BRPF3: variants seen among roughly 807,000 people sequenced by gnomAD.
The protein encoded by BRPF3 is bromodomain and PHD finger containing 3.
A neutral mutation model predicts 102.0 loss-of-function variants in BRPF3; 18 were observed. That is an observed-to-expected ratio of 0.18 (90% CI 0.12 to 0.26). The LOEUF (loss-of-function observed/expected upper bound fraction) is 0.26, where lower values mean the gene tolerates loss of function less well. Ranked by LOEUF, BRPF3 falls within the 10% of genes least tolerant of loss-of-function variation. The pLI, the probability that BRPF3 is intolerant of heterozygous loss-of-function variation, is 1.00. For missense variants in BRPF3, 1,147 were observed against 1,567.8 expected (o/e 0.73, Z 4.53); for synonymous variants, 570 against 614.2 (o/e 0.93, Z 1.06).
intron 2 of BRPF3, among the ~76,000 whole-genome samples, chr6:36,202,149 C>T (rs1216719387): frequency 6.6e-6 from 1 of 152,124 alleles, no homozygotes; most frequent in African/African-American, 2.4e-5. Flanking sequence ...AGTCGCATCC[C>T]CTCCCCCATT....
chr6:36,220,466 A>G (rs1768495306), intron 9 of BRPF3, among the ~76,000 whole-genome samples: 1 of 152,222 alleles, frequency 6.6e-6, no homozygotes, highest in East Asian at 1.9e-4. Flanking sequence ...CAGAACTGAT[A>G]ACAAGAGCTG....
At chr6:36,225,232 T>G (rs764166262) in intron 10 of BRPF3, 35 bp from the exon 11 acceptor site, 1 of 1,583,048 alleles carries the variant, frequency 6.3e-7, no homozygotes, top group South Asian at 1.1e-5. Context: ...CCAAGTCCCC[T>G]TTGGGTGCTG....
intron 10 of BRPF3, among the ~76,000 whole-genome samples, chr6:36,225,029 A>G (rs1768683139): frequency 6.6e-6 from 1 of 152,228 alleles, no homozygotes; most frequent in African/African-American, 2.4e-5. Context: ...AGTAATTGCA[A>G]CAGAGGCCGT....
chr6:36,230,326 T>C lies in BRPF3; in HGVS notation c.3435-100T>C. 8.1e-7 allele frequency: 1 copy of C among 1,241,234 alleles called. No homozygotes were observed. 76.9% of individuals were successfully genotyped at this position (1,241,234 alleles called of 1,614,324 possible). On this transcript the variant is annotated intron_variant, in intron 12 of 12. Coordinates refer to ENST00000357641, the MANE Select transcript of BRPF3 (RefSeq NM_015695.3). This position sits in a 1 kb window ranked among gnomAD's most constrained non-coding sequence, Gnocchi z 5.4. ...ATTTGCTTCCCTCTGCCCTGTACCC[T>C]CTCCCTGGCTTTGCTGGTCCTGGCC... is the stretch of plus-strand genomic sequence containing the variant.
rs1581942740 is a variant in BRPF3, at chr6:36,201,597, G to A, written c.1275G>A (p.Glu425=). 2 of 1,614,090 alleles carry A rather than the reference G, an allele frequency of 1.2e-6. No homozygotes were observed. Among genetic ancestry groups the A allele is most frequent in the East Asian group, 2.2e-5 (1 of 44,876 alleles). The stretch of plus-strand genomic sequence containing the variant: ...ATGGAGAGGAGGAAGAAGAGGAAGA[G>A]GTGGAGGAAGAAGAGCAGGAAGCTC... ...EGDGEEEEEE[E]VEEEEQEAQG... Residue 425 remains glutamate, a synonymous_variant, in exon 2 of 13, where the codon GAG becomes GAA. Transcript: ENST00000357641. This position sits in a 1 kb window ranked among gnomAD's most constrained non-coding sequence, Gnocchi z 5.1.
At chr6:36,223,770 C>G (rs1768635502) in intron 10 of BRPF3, among the ~76,000 whole-genome samples, 1 of 152,070 alleles carries the variant, frequency 6.6e-6, no homozygotes, top group African/African-American at 2.4e-5. Flanking sequence ...TGTAGTGAAC[C>G]CATATTTTTG....
chr6:36,211,647 C>G, intron 7 of BRPF3, 87 bp downstream of exon 7: 1 of 1,456,908 alleles, frequency 6.9e-7, no homozygotes. Context: ...GGTATTCTTT[C>G]TGAGTTTAGA....
In BRPF3 at chr6:36,200,764, C is replaced by T. The variant is rs1158227152; in HGVS notation, c.442C>T (p.Leu148=). 1 of 1,614,158 alleles carries T rather than the reference C, an allele frequency of 6.2e-7. No individual in the cohort carries two copies. The highest frequency in any genetic ancestry group is 8.5e-7 in the Non-Finnish European group (1 of 1,180,030). ...CTACATTGAGAAGCCACCTGAAGAC[C>T]TGGATGCAGAGGTAGAGTATGACAT... The part of the protein sequence containing the change: ...YRYIEKPPED[L]DAEVEYDMDE... The change falls in exon 2 of 13, where the codon CTG becomes TTG. Residue 148 remains leucine (L), a synonymous_variant. Transcript: ENST00000357641. The surrounding 1 kb of genome is among the most constrained non-coding windows in gnomAD (Gnocchi z 5.3).
In BRPF3 at chr6:36,204,813, A is replaced by G. The variant is rs1279635413; in HGVS notation, c.1604A>G (p.Gln535Arg). ...SHLQSQRNAE[Q>R]REQDEKTSAV... ...CTGCAGTCCCAAAGAAACGCTGAGC[A>G]GGTAGGTGCAGTGGTGATTTGAGGC... Residue 535 changes from glutamine to arginine, a missense_variant and splice_region_variant, in exon 3 of 13, where the codon CAG (glutamine) becomes CGG (arginine). Physicochemically the swap from Gln to Arg is conservative, Grantham distance 43. This residue lies in a region of BRPF3 where 37 missense variants were observed against 33.3 expected (regional missense o/e 1.11). Coordinates refer to ENST00000357641, the MANE Select transcript of BRPF3 (RefSeq NM_015695.3). 2 of 1,613,542 alleles carry G rather than the reference A, an allele frequency of 1.2e-6. No individual in the cohort carries two copies. The highest frequency in any genetic ancestry group is 1.7e-6 in the Non-Finnish European group (2 of 1,179,484).
Position 36,214,159 on chromosome 6 carries a change from GT to G in BRPF3, c.2763del (p.Ser921ArgfsTer78). 6.2e-7 allele frequency: 1 copy of G among 1,614,214 alleles called. No individual in the cohort carries two copies. The highest frequency in any genetic ancestry group is 1.1e-5 in the South Asian group (1 of 91,086). The stretch of plus-strand genomic sequence containing the variant: ...GACACCCCGGCCGGTACCCCACTTA[GT>G]GGTGTGGGTCGCCGCACATCAGTCC... ...APDTPAGTPL[S>X]GVGRRTSVLF... On this transcript the variant is annotated frameshift_variant, in exon 8 of 13. Transcript: ENST00000357641. LOFTEE classifies it high-confidence loss of function.
In BRPF3 at chr6:36,200,780, A is replaced by G; in HGVS notation, c.458A>G (p.Glu153Gly). ...KPPEDLDAEVEYDMDEEDLAW... is the reference protein window; with the variant it reads ...KPPEDLDAEVGYDMDEEDLAW... ...CCTGAAGACCTGGATGCAGAGGTAG[A>G]GTATGACATGGATGAGGAGGACCTT... The change falls in exon 2 of 13, where the codon GAG becomes GGG. Residue 153 changes from glutamate (E) to glycine (G), a missense_variant. Physicochemically the swap from Glu to Gly is moderately conservative, Grantham distance 98. This residue lies in a region of BRPF3 where 221 missense variants were observed against 337.1 expected (regional missense o/e 0.66). Transcript: ENST00000357641. The surrounding 1 kb of genome is among the most constrained non-coding windows in gnomAD (Gnocchi z 5.3). The G allele has an allele frequency of 6.2e-7, 1 of 1,614,162 alleles. No homozygotes were observed. Among genetic ancestry groups the G allele is most frequent in the Middle Eastern group, 1.6e-4 (1 of 6,062 alleles).
rs1022803240 is a variant in BRPF3, at chr6:36,230,453, G to A, written c.3462G>A (p.Leu1154=). 1 of 1,614,044 alleles carries A rather than the reference G, an allele frequency of 6.2e-7. No individual in the cohort carries two copies. The highest frequency in any genetic ancestry group is 8.5e-7 in the Non-Finnish European group (1 of 1,180,020). ...TWQWLPRDKV[L]PLGVEDTVDK... ...AGTGGCTTCCAAGGGACAAAGTCCTGCCCTTGGGTGTGGAAGACACCGTGG... is the reference window on the plus strand; with the variant it reads ...AGTGGCTTCCAAGGGACAAAGTCCTACCCTTGGGTGTGGAAGACACCGTGG... The change falls in exon 13 of 13, where the codon CTG becomes CTA. Residue 1154 remains leucine, a synonymous_variant. Transcript: ENST00000357641. The surrounding 1 kb of genome is among the most constrained non-coding windows in gnomAD (Gnocchi z 5.4).
In BRPF3 at chr6:36,207,299, CT is replaced by C. The variant is rs1767939946; in HGVS notation, c.1606-12del. The C allele has an allele frequency of 6.2e-7, 1 of 1,610,894 alleles. No homozygotes were observed. Among genetic ancestry groups the C allele is most frequent in the African/African-American group, 1.3e-5 (1 of 74,840 alleles). ...GAAGGAGGTTCCTAGTCCCTCTTCT[CT>C]TCCCTCCTGTAGCGAGAGCAGGATG... On this transcript the variant is annotated splice_polypyrimidine_tract_variant and intron_variant, in intron 3 of 12. Transcript: ENST00000357641.
intron 4 of BRPF3, among the ~76,000 whole-genome samples, chr6:36,207,883 A>G (rs1002201881): frequency 8.5e-5 from 13 of 152,166 alleles, no homozygotes; most frequent in Non-Finnish European, 1.9e-4. Context: ...CCTCTGTTCT[A>G]GGAGATTTTA....
rs1417520460 is a variant in BRPF3 at position 36,201,917 on chromosome 6, G to A, written c.1448+147G>A. On this transcript the variant is annotated intron_variant, in intron 2 of 12. Transcript: ENST00000357641. This position sits in a 1 kb window ranked among gnomAD's most constrained non-coding sequence, Gnocchi z 5.1. The stretch of plus-strand genomic sequence containing the variant: ...CTTCCTTTTGACCCCAGGCTCACCT[G>A]GCCTGGTTTGTGGTTTTGATTTTGC... 5 of 1,250,722 alleles carry A rather than the reference G, an allele frequency of 4.0e-6. No individual in the cohort carries two copies. The Admixed American group carries it at 1.2e-4, about 30-fold the overall frequency. 77.5% of individuals were successfully genotyped at this position (1,250,722 alleles called of 1,614,324 possible). A position where few individuals can be genotyped will look rare whatever the true frequency, so the allele number is the denominator to read the frequency against.
At chr6:36,206,270 G>A (rs1005336293) in intron 3 of BRPF3, among the ~76,000 whole-genome samples, 1 of 152,204 alleles carries the variant, frequency 6.6e-6, no homozygotes, top group Non-Finnish European at 1.5e-5. Context: ...CATCTGGGCA[G>A]GTGTGCTTGG....
At position 36,200,381 on chromosome 6, in the gene BRPF3, C is replaced by G. The variant is rs199876915; in HGVS notation, c.59C>G (p.Pro20Arg). ...GCCGAGGGCCGGCGTTCCCCGTCCC[C>G]CTACAGTCTCAAGTGCTCACCCACC... ...QNAEGRRSPSPYSLKCSPTRE... is the reference protein window; with the variant it reads ...QNAEGRRSPSRYSLKCSPTRE... The change falls in exon 2 of 13, where the codon CCC (proline) becomes CGC (arginine). Residue 20 changes from proline to arginine, a missense_variant. Pro to Arg is a moderately radical substitution (Grantham distance 103). Around this residue, in one of 11 missense-constraint regions of BRPF3, gnomAD observed 38 missense variants for 34.3 expected, o/e 1.11. Transcript: ENST00000357641. The surrounding 1 kb of genome is among the most constrained non-coding windows in gnomAD (Gnocchi z 5.3). 1 of 1,614,242 alleles carries G rather than the reference C, an allele frequency of 6.2e-7. No homozygotes were observed. Among genetic ancestry groups the G allele is most frequent in the Non-Finnish European group, 8.5e-7 (1 of 1,180,038 alleles).
chr6:36,217,531 G>A (rs1243669562), intron 8 of BRPF3, among the ~76,000 whole-genome samples: 1 of 152,184 alleles, frequency 6.6e-6, no homozygotes, highest in Admixed American at 6.5e-5. Flanking sequence ...AAAAGGCAGA[G>A]AAGGCTACCT....
chr6:36,209,989 T>C (rs1768042960), intron 5 of BRPF3, 74 bp downstream of exon 5: 2 of 1,581,616 alleles, frequency 1.3e-6, no homozygotes, highest in South Asian at 1.2e-5. Flanking sequence ...TAGGAAGGAG[T>C]TGGGCCACAG....
Sources: allele counts gnomAD v4.1 joint callset (sites outside exome capture counted in the v4.1 genomes callset), GRCh38; gene constraint gnomAD v4.1.1; regional missense constraint gnomAD v4.1.1; non-coding constraint Gnocchi (gnomAD v3.1); transcripts MANE v1.5; gene names NCBI Gene and HGNC (gene_info 2026-07-23, HGNC 2026-07-21).